Variants in FAM118B observed in about 807,000 individuals in gnomAD.
The protein encoded by FAM118B is SIR2 antiphage like 1, also known as protein FAM118B.
In FAM118B, 24 loss-of-function variants were observed where a neutral mutation model predicts 38.5. That is an observed-to-expected ratio of 0.62 (90% CI 0.45 to 0.88). The LOEUF (loss-of-function observed/expected upper bound fraction) is 0.88. FAM118B is among the 40% of genes least tolerant of loss of function. FAM118B has a pLI of 0.00. For missense variants in FAM118B, 334 were observed against 420.0 expected (o/e 0.80, Z 1.79); for synonymous variants, 138 against 156.3 (o/e 0.88, Z 0.87).
In FAM118B at chr11:126,238,016, A is replaced by T. The variant is rs142199145; in HGVS notation, c.87-2776A>T. On this transcript the variant is annotated intron_variant, in intron 3 of 8. Transcript: ENST00000533050. ...CTGTTATGTTGGGGGCTTTCCTCAGATGTGAGGTGACCCTTGTTTGTCTGC... is the reference window on the plus strand; with the variant it reads ...CTGTTATGTTGGGGGCTTTCCTCAGTTGTGAGGTGACCCTTGTTTGTCTGC... Among the ~76,000 whole-genome samples, 406 of 151,732 alleles carry T rather than the reference A, an allele frequency of 2.7e-3. 1 individual carries two copies. Among genetic ancestry groups the T allele is most frequent in the African/African-American group, 9.5e-3 (394 of 41,342 alleles).
chr11:126,245,087 A>C (rs1950403524), intron 4 of FAM118B: 2 of 152,206 alleles, frequency 1.3e-5, no homozygotes, highest in African/African-American at 2.4e-5. Flanking sequence ...AGGCTGAGGC[A>C]GGAGGATTGC....
intron 1 of FAM118B, among the ~76,000 whole-genome samples, chr11:126,228,642 C>T (rs897346388): frequency 7.9e-5 from 12 of 152,138 alleles, no homozygotes; most frequent in African/African-American, 2.9e-4. Context: ...CTCACTGCAA[C>T]CTCTGCCTCC....
In FAM118B at chr11:126,256,422, C is replaced by G. The variant is rs1950579761; in HGVS notation, c.697-145C>G. On this transcript the variant is annotated intron_variant, in intron 6 of 8. Coordinates refer to ENST00000533050, the MANE Select transcript of FAM118B (RefSeq NM_024556.4). The surrounding 1 kb of genome is among the most constrained non-coding windows in gnomAD (Gnocchi z 6.6). The stretch of plus-strand genomic sequence containing the variant: ...CAAGTTACAGCAATAAGCAAGAGAT[C>G]ACACTCCTTGATGGGACATACCAAC... 1.5e-6 allele frequency: 1 copy of G among 653,648 alleles called. No homozygotes were observed. Among genetic ancestry groups the G allele is most frequent in the Middle Eastern group, 3.4e-4 (1 of 2,940 alleles). 40.5% of individuals were successfully genotyped at this position (653,648 alleles called of 1,614,324 possible).
At chr11:126,236,876 T>C (rs1398297084) in intron 3 of FAM118B, among the ~76,000 whole-genome samples, 1 of 151,722 alleles carries the variant, frequency 6.6e-6, no homozygotes, top group African/African-American at 2.4e-5. Flanking sequence ...TCTTTTTGTT[T>C]GTTCATTTTT....
rs1250495082 is a variant in FAM118B at position 126,250,286 on chromosome 11, T to C, written c.340-220T>C. On this transcript the variant is annotated intron_variant, in intron 4 of 8. Coordinates refer to ENST00000533050, the MANE Select transcript of FAM118B (RefSeq NM_024556.4). This position sits in a 1 kb window ranked among gnomAD's most constrained non-coding sequence, Gnocchi z 5.1. Reference sequence around the variant, plus strand: ...TTTTTTATTTTTAGTAGAGACGGGGTTTCACCGTGTTAGCCAGGATGGTCT... The same window carrying C: ...TTTTTTATTTTTAGTAGAGACGGGGCTTCACCGTGTTAGCCAGGATGGTCT... 1.3e-5 allele frequency among the ~76,000 whole-genome samples: 2 copies of C among 151,858 alleles called. No individual in the cohort carries two copies. The highest frequency in any genetic ancestry group is 4.8e-5 in the African/African-American group (2 of 41,318).
rs1950548877 is a variant in FAM118B at position 126,254,545 on chromosome 11, G to T, written c.696+112G>T. On this transcript the variant is annotated intron_variant, in intron 6 of 8. Transcript: ENST00000533050. ...TCTTTTCATTAAGTGAAAACGGAAG[G>T]TCAGGGGCTAGGAGCAGTGGCTCAT... 2.8e-6 allele frequency: 4 copies of T among 1,430,774 alleles called. No individual in the cohort carries two copies. The Admixed American group carries it at 8.0e-5, about 28-fold the overall frequency. The allele number at this position is 1,430,774 out of a possible 1,614,324, so 88.6% of individuals were successfully genotyped here. A position where few individuals can be genotyped will look rare whatever the true frequency, so the allele number is the denominator to read the frequency against.
In FAM118B at chr11:126,253,300, T is replaced by G. The variant is rs1950530754; in HGVS notation, c.568-1005T>G. On this transcript the variant is annotated intron_variant, in intron 5 of 8. Transcript: ENST00000533050. This position sits in a 1 kb window ranked among gnomAD's most constrained non-coding sequence, Gnocchi z 5.1. ...ATTGACTGGTAGTCAGAATGGGGCC[T>G]AGTAACATTCAAATTCTAAATCTCG... is the stretch of plus-strand genomic sequence containing the variant. Among the ~76,000 whole-genome samples, 1 of 152,200 alleles carries G rather than the reference T, an allele frequency of 6.6e-6. No homozygotes were observed. The highest frequency in any genetic ancestry group is 1.5e-5 in the Non-Finnish European group (1 of 68,042).
intron 7 of FAM118B, among the ~76,000 whole-genome samples, chr11:126,257,783 C>T (rs1039795498): frequency 5.3e-5 from 8 of 151,894 alleles, no homozygotes; most frequent in Non-Finnish European, 1.0e-4. Context: ...TATTTGGAAA[C>T]GGATAATGGT....
At chr11:126,224,307 TACA>T (rs2135136240) in intron 1 of FAM118B, among the ~76,000 whole-genome samples, 1 of 151,896 alleles carries the variant, frequency 6.6e-6, no homozygotes, top group East Asian at 1.9e-4. Flanking sequence ...ACCCTGTCTC[TACA>T]AAATACAAAG....
intron 3 of FAM118B, among the ~76,000 whole-genome samples, chr11:126,239,164 G>T (rs1247927073): frequency 6.6e-6 from 1 of 151,698 alleles, no homozygotes; most frequent in African/African-American, 2.4e-5. Flanking sequence ...TGGCAGAGAT[G>T]GGGTCTCACT....
At position 126,252,614 on chromosome 11, in the gene FAM118B, T is replaced by G. The variant is rs1003523588; in HGVS notation, c.568-1691T>G. Among the ~76,000 whole-genome samples the G allele has an allele frequency of 7.9e-5, 12 of 152,078 alleles. No individual in the cohort carries two copies. Among genetic ancestry groups the G allele is most frequent in the Non-Finnish European group, 1.3e-4 (9 of 67,996 alleles). On this transcript the variant is annotated intron_variant, in intron 5 of 8. Transcript: ENST00000533050. The surrounding 1 kb of genome is among the most constrained non-coding windows in gnomAD (Gnocchi z 4.7). ...AAAAATTAGCCGGGCATGGTGGTGT[T>G]TGCCTGTGGTCCCAGCTACTTGGGA...
upstream of FAM118B, chr11:126,211,775 T>C: frequency 2.1e-6 from 2 of 968,332 alleles, no homozygotes; most frequent in Non-Finnish European, 3.0e-6. Context: ...GCGCGCTCAG[T>C]GCGGCTGCGC....
chr11:126,260,702 G>A (rs1329829875), intron 7 of FAM118B: 2 of 152,130 alleles, frequency 1.3e-5, no homozygotes, highest in Non-Finnish European at 2.9e-5. Flanking sequence ...TGTTTTCTAC[G>A]AGGGTAATAT....
chr11:126,217,420 C>CT (rs1160368899), intron 1 of FAM118B, among the ~76,000 whole-genome samples: 2 of 152,200 alleles, frequency 1.3e-5, no homozygotes, highest in Admixed American at 1.3e-4. Flanking sequence ...CTTTTATGTA[C>CT]TTACACCTCT....
rs1950714878 is a variant in FAM118B, at chr11:126,262,158, T to A, written c.*25T>A. ...AGCGAGCTAGAGAAATCACCACCGT[T>A]TAGACCAAGCTGTAAGGCCCTACTA... On this transcript the variant is annotated 3_prime_UTR_variant, in exon 9 of 9. Coordinates refer to ENST00000533050, the MANE Select transcript of FAM118B (RefSeq NM_024556.4). 3 of 1,613,248 alleles carry A rather than the reference T, an allele frequency of 1.9e-6. No homozygotes were observed. In the African/African-American group the frequency reaches 4.0e-5, roughly 22 times the overall value.
chr11:126,241,841 C>T (rs1278541807), intron 4 of FAM118B, among the ~76,000 whole-genome samples: 2 of 152,066 alleles, frequency 1.3e-5, no homozygotes, highest in African/African-American at 2.4e-5. Context: ...TGAGCCACTG[C>T]ACCCAGCCTG....
At position 126,262,373 on chromosome 11, in the gene FAM118B, G is replaced by A. The variant is rs910891377; in HGVS notation, c.*240G>A. The A allele has an allele frequency of 1.4e-5, 8 of 561,874 alleles. No homozygotes were observed. The highest frequency in any genetic ancestry group is 1.3e-4 in the African/African-American group (7 of 52,730). The allele number at this position is 561,874 out of a possible 1,614,324, so 34.8% of individuals were successfully genotyped here. A position where few individuals can be genotyped will look rare whatever the true frequency, so the allele number is the denominator to read the frequency against. On this transcript the variant is annotated 3_prime_UTR_variant, in exon 9 of 9. Transcript: ENST00000533050. ...AAAGCGACAGCAGGACCCAAATGCA[G>A]CTCCCAACCCACTCCCCAGGCTAGA...
At chr11:126,229,721 G>A (rs761491890) in intron 2 of FAM118B, among the ~76,000 whole-genome samples, 2 of 152,176 alleles carry the variant, frequency 1.3e-5, no homozygotes, top group Non-Finnish European at 2.9e-5. Flanking sequence ...GATTGCAGGC[G>A]TGAGCCACCG....
intron 3 of FAM118B, among the ~76,000 whole-genome samples, chr11:126,235,521 A>G (rs569153961): frequency 1.6e-4 from 24 of 151,108 alleles, no homozygotes; most frequent in Non-Finnish European, 2.7e-4. Context: ...GTTTGGTTCA[A>G]TCCACTTTTT....
Sources: gnomAD v4.1 joint callset for allele counts (sites outside exome capture counted in the v4.1 genomes callset) on GRCh38, gnomAD v4.1.1 for gene constraint, Gnocchi (gnomAD v3.1) non-coding constraint, MANE v1.5 for transcripts, NCBI Gene and HGNC (gene_info 2026-07-23, HGNC 2026-07-21) for gene names.